Variants in RARB observed in about 807,000 individuals in gnomAD.
RARB encodes retinoic acid receptor beta.
In RARB, 17 loss-of-function variants were observed where a neutral mutation model predicts 51.9. That is an observed-to-expected ratio of 0.33 (90% confidence interval 0.22 to 0.49). The LOEUF (loss-of-function observed/expected upper bound fraction) is 0.49. Ranked by LOEUF, RARB falls within the 20% of genes least tolerant of loss-of-function variation. RARB has a pLI of 0.99. For missense variants in RARB, 369 were observed against 550.8 expected (o/e 0.67, Z 3.30); for synonymous variants, 215 against 195.4 (o/e 1.10, Z -0.84).
intron 2 of RARB, among the ~76,000 whole-genome samples, chr3:24,898,342 TATATA>T (rs746728845): frequency 1.7e-4 from 25 of 149,918 alleles, no homozygotes; most frequent in Non-Finnish European, 3.3e-4. Flanking sequence ...TATTGTATAT[TATATA>T]ATAAATAGGA....
chr3:25,357,550 C>T (rs922130614), intron 5 of RARB, among the ~76,000 whole-genome samples: 11 of 152,068 alleles, frequency 7.2e-5, no homozygotes, highest in East Asian at 1.9e-4. Context: ...CTTTTGTTGC[C>T]GTTGCTTTTG....
At chr3:25,153,212 C>T (rs1054192557) in intron 4 of RARB, among the ~76,000 whole-genome samples, 2 of 151,992 alleles carry the variant, frequency 1.3e-5, no homozygotes, top group Non-Finnish European at 1.5e-5. Context: ...AATGCTGATT[C>T]TTCACCAGGA....
chr3:25,024,195 G>A (rs1244185006), intron 2 of RARB, among the ~76,000 whole-genome samples: 3 of 152,276 alleles, frequency 2.0e-5, no homozygotes, highest in South Asian at 4.1e-4. Flanking sequence ...GACTTTTGTA[G>A]ATTTTTCTTT....
intron 3 of RARB, among the ~76,000 whole-genome samples, chr3:25,062,578 A>G (rs1461275013): frequency 6.6e-6 from 1 of 151,998 alleles, no homozygotes; most frequent in African/African-American, 2.4e-5. Flanking sequence ...TGATATGTCA[A>G]TATAATGAAA....
At chr3:25,595,510 C>G (rs796092968) in intron 7 of RARB, among the ~76,000 whole-genome samples, 11 of 152,262 alleles carry the variant, frequency 7.2e-5, no homozygotes, top group African/African-American at 2.6e-4. Context: ...ACAGCAGATA[C>G]CAGTGTGGTT....
rs1022133901 is a variant in RARB at position 24,989,498 on chromosome 3, T to G, written c.-379-70627T>G. Among the ~76,000 whole-genome samples, 2 of 112,114 alleles carry G rather than the reference T, an allele frequency of 1.8e-5. 1 individual carries two copies. Among genetic ancestry groups the G allele is most frequent in the South Asian group, 6.3e-4 (2 of 3,152 alleles). 73.6% of individuals were successfully genotyped at this position (112,114 alleles called of 152,430 possible). ...ACTTCCCTACATCCTCACAAATGCT[T>G]GATATTGCAAGGTATTTTAATGTTT... is the stretch of plus-strand genomic sequence containing the variant. On this transcript the variant is annotated intron_variant, in intron 2 of 11. Coordinates refer to the RARB transcript ENST00000383772.
At chr3:24,857,350 A>G (rs1702655185) in intron 1 of RARB, among the ~76,000 whole-genome samples, 1 of 152,240 alleles carries the variant, frequency 6.6e-6, no homozygotes, top group African/African-American at 2.4e-5. Context: ...CTTTTCCTCC[A>G]CTGCTCGTTC....
At chr3:25,338,668 C>T (rs1705135176) in intron 5 of RARB, among the ~76,000 whole-genome samples, 1 of 152,202 alleles carries the variant, frequency 6.6e-6, no homozygotes, top group Admixed American at 6.5e-5. Flanking sequence ...CTGGAAGACT[C>T]AGGTCATGTT....
intron 1 of RARB, among the ~76,000 whole-genome samples, chr3:25,429,101 C>A (rs962389425): frequency 8.5e-5 from 13 of 152,190 alleles, no homozygotes; most frequent in African/African-American, 3.1e-4. Context: ...CTCCCGCCCC[C>A]ATGCTCCTCT....
rs114700181 is a variant in RARB at position 25,552,861 on chromosome 3, A to G, written c.449-16897A>G. 6.4e-4 allele frequency among the ~76,000 whole-genome samples: 98 copies of G among 152,240 alleles called. 2 individuals are homozygous for G. The highest frequency in any genetic ancestry group is 2.0e-3 in the African/African-American group (83 of 41,538). Reference sequence around the variant, plus strand: ...ACCATTGAAGCAGAGTGTTGAGTGAATGGGGGCTGTTACATCATGGTCTCT... The same window carrying G: ...ACCATTGAAGCAGAGTGTTGAGTGAGTGGGGGCTGTTACATCATGGTCTCT... On this transcript the variant is annotated intron_variant, in intron 3 of 7. Coordinates refer to ENST00000330688, the MANE Select transcript of RARB (RefSeq NM_000965.5).
chr3:25,023,074 A>T (rs756737479), intron 2 of RARB, among the ~76,000 whole-genome samples: 17 of 152,202 alleles, frequency 1.1e-4, no homozygotes, highest in Admixed American at 3.9e-4. Flanking sequence ...GGGTATTGAT[A>T]GGCAGCTACT....
chr3:25,158,852 A>G (rs1188002393), intron 4 of RARB, among the ~76,000 whole-genome samples: 1 of 152,124 alleles, frequency 6.6e-6, no homozygotes, highest in Non-Finnish European at 1.5e-5. Flanking sequence ...GAGGTTTTCT[A>G]GGTCCTCAGA....
chr3:25,215,657 C>G (rs895519413), intron 5 of RARB, among the ~76,000 whole-genome samples: 1 of 152,072 alleles, frequency 6.6e-6, no homozygotes, highest in Non-Finnish European at 1.5e-5. Flanking sequence ...TCCTTTCTCT[C>G]GATGATGATT....
intron 2 of RARB, among the ~76,000 whole-genome samples, chr3:24,975,530 C>G (rs1427771253): frequency 1.3e-5 from 2 of 152,098 alleles, no homozygotes; most frequent in Non-Finnish European, 2.9e-5. Context: ...AAAGAGAATA[C>G]ATACATTTAA....
chr3:25,174,983 T>G (rs1021271854), intron 5 of RARB, among the ~76,000 whole-genome samples: 6 of 152,210 alleles, frequency 3.9e-5, no homozygotes, highest in African/African-American at 1.4e-4. Context: ...CTTCTCTGAA[T>G]CTTTTACTTG....
At chr3:25,487,002 A>G (rs1266320067) in intron 2 of RARB, among the ~76,000 whole-genome samples, 1 of 152,106 alleles carries the variant, frequency 6.6e-6, no homozygotes, top group African/African-American at 2.4e-5. Flanking sequence ...TTTACAACAC[A>G]CCTGAGACTT....
chr3:25,237,633 A>T (rs1159137322), intron 5 of RARB, among the ~76,000 whole-genome samples: 1 of 152,172 alleles, frequency 6.6e-6, no homozygotes, highest in Non-Finnish European at 1.5e-5. Context: ...TGTACAATCC[A>T]GTGAGTTTAA....
intron 2 of RARB, among the ~76,000 whole-genome samples, chr3:24,980,954 G>C (rs1257022284): frequency 6.6e-6 from 1 of 152,114 alleles, no homozygotes; most frequent in Non-Finnish European, 1.5e-5. Context: ...GTTTTGGTGT[G>C]GATGTCCTTT....
At chr3:25,031,259 T>C (rs1368737580) in intron 2 of RARB, among the ~76,000 whole-genome samples, 1 of 152,182 alleles carries the variant, frequency 6.6e-6, no homozygotes, top group Non-Finnish European at 1.5e-5. Context: ...TACACCCATA[T>C]TGAGAACCAC....
Sources: gnomAD v4.1 joint callset for allele counts (sites outside exome capture counted in the v4.1 genomes callset) on GRCh38, gnomAD v4.1.1 for gene constraint, MANE v1.5 for transcripts, NCBI Gene and HGNC (gene_info 2026-07-23, HGNC 2026-07-21) for gene names.